The following FAS variants were observed in gnomAD, a reference collection of about 807,000 sequenced individuals.
FAS encodes tumor necrosis factor receptor superfamily member 6.
A neutral mutation model predicts 33.2 loss-of-function variants in FAS; 5 were observed. The ratio of observed to expected loss-of-function variants is 0.15; its 90% confidence interval spans 0.08 to 0.32. The LOEUF is 0.32. FAS is among the 10% of genes least tolerant of loss of function. The probability of loss-of-function intolerance (pLI) is 1.00; values close to 1 mark genes in which losing one functional copy is unlikely to be tolerated. For missense variants in FAS, 339 were observed against 386.0 expected (o/e 0.88, Z 1.02); for synonymous variants, 131 against 130.7 (o/e 1.00, Z -0.01).
intron 1 of FAS, 175 bp from the exon 2 acceptor site, chr10:89,002,854 G>A: frequency 1.5e-6 from 1 of 670,118 alleles, no homozygotes. Flanking sequence ...GATCCAAACT[G>A]CTATACAAGT....
At chr10:88,985,842 A>C (rs930198045), upstream of FAS, among the ~76,000 whole-genome samples, 3 of 152,218 alleles carry the variant, frequency 2.0e-5, no homozygotes, top group African/African-American at 7.2e-5. Context: ...AGTAGAGAGA[A>C]AGCGCTGCCA....
At chr10:88,981,328 T>A (rs1319120430) in intron 2 of FAS, among the ~76,000 whole-genome samples, 3 of 152,182 alleles carry the variant, frequency 2.0e-5, no homozygotes, top group Non-Finnish European at 4.4e-5. Context: ...CCTGTGCAGT[T>A]AAACCCTTGA....
chr10:88,985,502 C>A (rs1207428010), upstream of FAS, among the ~76,000 whole-genome samples: 1 of 152,234 alleles, frequency 6.6e-6, no homozygotes, highest in Non-Finnish European at 1.5e-5. Flanking sequence ...CCTCCCCTGC[C>A]CATTCTCCTC....
intron 1 of FAS, among the ~76,000 whole-genome samples, chr10:88,967,462 C>T (rs1225727685): frequency 2.0e-5 from 3 of 152,118 alleles, no homozygotes; most frequent in East Asian, 1.9e-4. Flanking sequence ...AGGACAGATG[C>T]GAGAATACAG....
At chr10:88,972,356 A>T (rs1846466097) in intron 1 of FAS, among the ~76,000 whole-genome samples, 1 of 152,238 alleles carries the variant, frequency 6.6e-6, no homozygotes, top group Admixed American at 6.5e-5. Flanking sequence ...TTGTAATAGT[A>T]ATTGATGTCA....
At position 89,016,201 on chromosome 10, in the gene FAS, C is replaced by T; in HGVS notation, c.*1751C>T. ...ATATATTCTATTTAACCCATGAGTC[C>T]CAAAGTATTAGCATTTCAACATGTA... On this transcript the variant is annotated 3_prime_UTR_variant, in exon 9 of 9. Coordinates refer to ENST00000652046, the MANE Select transcript of FAS (RefSeq NM_000043.6). 4.6e-6 allele frequency: 1 copy of T among 216,876 alleles called. No homozygotes were observed. The highest frequency in any genetic ancestry group is 6.8e-5 in the East Asian group (1 of 14,616). The allele number at this position is 216,876 out of a possible 1,614,324, so 13.4% of individuals were successfully genotyped here. A position where few individuals can be genotyped will look rare whatever the true frequency, so the allele number is the denominator to read the frequency against.
At chr10:88,999,780 A>G (rs1367392218) in intron 1 of FAS, among the ~76,000 whole-genome samples, 1 of 152,184 alleles carries the variant, frequency 6.6e-6, no homozygotes, top group East Asian at 1.9e-4. Context: ...TGTTTATCTT[A>G]TTGTCTCATT....
intron 6 of FAS, chr10:89,011,088 T>G: frequency 1.9e-6 from 1 of 523,218 alleles, no homozygotes. Flanking sequence ...TGGCCAAAAA[T>G]CAGAAGCAAT....
At chr10:88,990,486 G>C (rs1203247594), upstream of FAS, 1 of 559,214 alleles carries the variant, frequency 1.8e-6, no homozygotes, top group South Asian at 1.6e-5. The surrounding 1 kb of genome is among the most constrained non-coding windows in gnomAD (Gnocchi z 4.9). Context: ...ATGCCCATTT[G>C]TGCAACGAAC....
intron 1 of FAS, among the ~76,000 whole-genome samples, chr10:88,996,366 C>T (rs1452799591): frequency 3.3e-5 from 5 of 150,458 alleles, no homozygotes; most frequent in African/African-American, 7.4e-5. Context: ...TGCATGATCT[C>T]GTTTATATGT....
upstream of FAS, among the ~76,000 whole-genome samples, chr10:88,985,068 C>T (rs1025391035): frequency 6.6e-6 from 1 of 151,934 alleles, no homozygotes; most frequent in South Asian, 2.1e-4. Context: ...TTTAGGGGGC[C>T]ATTGGCAAAT....
rs998764078 is a variant in FAS, at chr10:89,016,019, A to G, written c.*1569A>G. ...CGTCAAACAGTTTCGTATTCCAGAT[A>G]CTGGAATGTGGATAAGAAAGTATAC... On this transcript the variant is annotated 3_prime_UTR_variant, in exon 9 of 9. Transcript: ENST00000652046. 5.3e-5 allele frequency: 13 copies of G among 242,996 alleles called. No homozygotes were observed. The highest frequency in any genetic ancestry group is 1.1e-4 in the Non-Finnish European group (13 of 123,310). 15.1% of individuals were successfully genotyped at this position (242,996 alleles called of 1,614,324 possible). A position where few individuals can be genotyped will look rare whatever the true frequency, so the allele number is the denominator to read the frequency against.
At chr10:88,982,409 A>T (rs965835474), upstream of FAS, among the ~76,000 whole-genome samples, 1 of 152,156 alleles carries the variant, frequency 6.6e-6, no homozygotes, top group South Asian at 2.1e-4. Flanking sequence ...GATCTCACCG[A>T]GCTTAAATGT....
In FAS at chr10:89,015,007, C is replaced by T. The variant is rs767910165; in HGVS notation, c.*557C>T. On this transcript the variant is annotated 3_prime_UTR_variant, in exon 9 of 9. Transcript: ENST00000652046. ...AGTGCAGAATTTAAATAAGGCTCTACCTCAAAGACCTTTGCACAGTTTATT... is the reference window on the plus strand; with the variant it reads ...AGTGCAGAATTTAAATAAGGCTCTATCTCAAAGACCTTTGCACAGTTTATT... 1 of 532,880 alleles carries T rather than the reference C, an allele frequency of 1.9e-6. No homozygotes were observed. Among genetic ancestry groups the T allele is most frequent in the South Asian group, 1.5e-5 (1 of 65,036 alleles). The allele number at this position is 532,880 out of a possible 1,614,324, so 33.0% of individuals were successfully genotyped here.
intron 1 of FAS, among the ~76,000 whole-genome samples, chr10:88,993,641 T>G (rs1847407020): frequency 6.6e-6 from 1 of 152,218 alleles, no homozygotes; most frequent in Non-Finnish European, 1.5e-5. Flanking sequence ...TCATACAGAA[T>G]AGTTTTGTGG....
intron 2 of FAS, among the ~76,000 whole-genome samples, chr10:89,006,696 G>T (rs564315270): frequency 2.0e-5 from 3 of 151,874 alleles, no homozygotes; most frequent in Non-Finnish European, 4.4e-5. Flanking sequence ...TTTGTGTATT[G>T]TCTGCCTGCA....
intron 2 of FAS, among the ~76,000 whole-genome samples, chr10:89,005,175 AAGGGAGGGAGGGAGGG>A (rs145464600): frequency 3.1e-4 from 42 of 137,302 alleles, no homozygotes; most frequent in African/African-American, 9.3e-4. Context: ...ATCAAAAACG[AAGGGAGGGAGGGAGGG>A]AGGGAGGGAG....
intron 1 of FAS, among the ~76,000 whole-genome samples, chr10:88,993,334 TTA>T (rs1847381228): frequency 6.6e-6 from 1 of 152,110 alleles, no homozygotes; most frequent in Non-Finnish European, 1.5e-5. Flanking sequence ...CATGACCCTG[TTA>T]TTGGCCAAGA....
chr10:88,983,609 CAAAAAAAAAAA>C (rs71022549), upstream of FAS, among the ~76,000 whole-genome samples: 7 of 46,458 alleles, frequency 1.5e-4, no homozygotes, highest in Non-Finnish European at 1.8e-4. Flanking sequence ...ACAGGTTATG[CAAAAAAAAAAA>C]AAAAAAAAAA....
Sources: allele counts gnomAD v4.1 joint callset (sites outside exome capture counted in the v4.1 genomes callset), GRCh38; gene constraint gnomAD v4.1.1; non-coding constraint Gnocchi (gnomAD v3.1); transcripts MANE v1.5; gene names NCBI Gene and HGNC (gene_info 2026-07-23, HGNC 2026-07-21).